The following SPMIP7 variants were observed in gnomAD, a reference collection of about 807,000 sequenced individuals.
SPMIP7 encodes protein SPMIP7.
the SPMIP7 span, among the ~76,000 whole-genome samples, chr7:50,132,934 A>G: frequency 6.6e-6 from 1 of 152,182 alleles, no homozygotes; most frequent in East Asian, 1.9e-4. Flanking sequence ...GAACAAATAT[A>G]TGTGGAGGAA....
At chr7:50,118,469 C>T in the SPMIP7 span, among the ~76,000 whole-genome samples, 7 of 152,262 alleles carry the variant, frequency 4.6e-5, no homozygotes, top group African/African-American at 7.2e-5. Flanking sequence ...TTTTCACTAC[C>T]GGACTTTATT....
chr7:50,120,690 ATGG>A, the SPMIP7 span, among the ~76,000 whole-genome samples: 1 of 152,196 alleles, frequency 6.6e-6, no homozygotes, highest in Non-Finnish European at 1.5e-5. Flanking sequence ...GGCGTCCTAA[ATGG>A]TGGATGGCAA....
At chr7:50,117,107 T>G in the SPMIP7 span, 1 of 351,368 alleles carries the variant, frequency 2.8e-6, no homozygotes, top group Non-Finnish European at 5.6e-6. Flanking sequence ...ATCAGAGCCT[T>G]TACCTTGAGA....
the SPMIP7 span, among the ~76,000 whole-genome samples, chr7:50,140,721 TTAG>T: frequency 6.6e-6 from 1 of 152,210 alleles, no homozygotes; most frequent in African/African-American, 2.4e-5. Context: ...ATCTGGACCT[TTAG>T]TCCTGGCCCA....
the SPMIP7 span, chr7:50,096,075 A>C: frequency 9.0e-6 from 13 of 1,450,684 alleles, no homozygotes; most frequent in Non-Finnish European, 5.5e-6. Flanking sequence ...AAAATTCTAA[A>C]GAAAAAGGCC....
At chr7:50,152,424 G>T in the SPMIP7 span, among the ~76,000 whole-genome samples, 1 of 152,128 alleles carries the variant, frequency 6.6e-6, no homozygotes. Context: ...TAGTGAGAAG[G>T]AGCACATGGT....
chr7:50,100,036 T>G, the SPMIP7 span, among the ~76,000 whole-genome samples: 1 of 152,274 alleles, frequency 6.6e-6, no homozygotes, highest in South Asian at 2.1e-4. Flanking sequence ...AAAATCTGCT[T>G]ACTCTGTGCT....
At chr7:50,156,858 C>A in the SPMIP7 span, among the ~76,000 whole-genome samples, 2 of 152,082 alleles carry the variant, frequency 1.3e-5, no homozygotes, top group African/African-American at 4.8e-5. Flanking sequence ...CTGTGAGCTG[C>A]CACCCTGTTC....
the SPMIP7 span, among the ~76,000 whole-genome samples, chr7:50,154,389 G>A: frequency 3.3e-5 from 5 of 152,054 alleles, no homozygotes; most frequent in Non-Finnish European, 5.9e-5. Context: ...TACATCTCCC[G>A]TTGCCTCACC....
the SPMIP7 span, chr7:50,151,564 A>T: frequency 6.6e-7 from 1 of 1,522,206 alleles, no homozygotes; most frequent in Non-Finnish European, 8.9e-7. Context: ...ACCGGTAAGT[A>T]TGAATCCTAT....
the SPMIP7 span, among the ~76,000 whole-genome samples, chr7:50,135,546 T>C: frequency 6.6e-6 from 1 of 152,128 alleles, no homozygotes; most frequent in African/African-American, 2.4e-5. Flanking sequence ...ATAGAAAAAG[T>C]GAATTAAAAT....
chr7:50,121,137 C>A, the SPMIP7 span, among the ~76,000 whole-genome samples: 8 of 152,162 alleles, frequency 5.3e-5, 1 homozygote, highest in South Asian at 1.7e-3. Flanking sequence ...AATCATCCAA[C>A]TAATTTCATA....
the SPMIP7 span, chr7:50,141,475 A>C: frequency 1.2e-6 from 1 of 862,796 alleles, no homozygotes; most frequent in Non-Finnish European, 1.9e-6. Flanking sequence ...AGGAATTTAA[A>C]CGTGGCTTTT....
chr7:50,132,949 G>A, the SPMIP7 span, among the ~76,000 whole-genome samples: 2 of 152,154 alleles, frequency 1.3e-5, no homozygotes, highest in Non-Finnish European at 2.9e-5. Flanking sequence ...GAGGAAGTGA[G>A]AATCACTGGT....
At chr7:50,136,768 T>A in the SPMIP7 span, among the ~76,000 whole-genome samples, 1 of 152,188 alleles carries the variant, frequency 6.6e-6, no homozygotes, top group African/African-American at 2.4e-5. Flanking sequence ...AACTAGGTGT[T>A]TCTGCCTTTG....
the SPMIP7 span, among the ~76,000 whole-genome samples, chr7:50,113,613 T>A: frequency 1.3e-5 from 2 of 151,792 alleles, no homozygotes; most frequent in Admixed American, 1.3e-4. Context: ...AATAAAGACA[T>A]AGCAACATAA....
chr7:50,122,659 C>A, the SPMIP7 span, among the ~76,000 whole-genome samples: 2 of 150,206 alleles, frequency 1.3e-5, no homozygotes, highest in East Asian at 3.9e-4. Flanking sequence ...ATTTTTGCAA[C>A]CTACTCATCT....
the SPMIP7 span, among the ~76,000 whole-genome samples, chr7:50,126,347 T>TA: frequency 6.6e-6 from 1 of 151,476 alleles, no homozygotes; most frequent in Non-Finnish European, 1.5e-5. Flanking sequence ...TAATACTAAG[T>TA]AAAATAGAAT....
At chr7:50,122,620 T>A in the SPMIP7 span, among the ~76,000 whole-genome samples, 1 of 149,152 alleles carries the variant, frequency 6.7e-6, no homozygotes, top group Non-Finnish European at 1.5e-5. Context: ...ACCATCAGAG[T>A]GAACAGGCAA....
Sources: gnomAD v4.1 joint callset for allele counts (sites outside exome capture counted in the v4.1 genomes callset) on GRCh38, gnomAD v4.1.1 for gene constraint, MANE v1.5 for transcripts, NCBI Gene and HGNC (gene_info 2026-07-23, HGNC 2026-07-21) for gene names.